NRG3: variants seen among roughly 807,000 people sequenced by gnomAD.
The protein encoded by NRG3 is neuregulin 3, also known as pro-neuregulin-3, membrane-bound isoform.
In NRG3, 31 loss-of-function variants were observed where a neutral mutation model predicts 66.9. That is an observed-to-expected ratio of 0.46 (90% CI 0.35 to 0.63). NRG3 has a LOEUF of 0.63. NRG3 is among the 20% of genes least tolerant of loss of function. The probability of loss-of-function intolerance (pLI) is 0.00; values close to 1 mark genes in which losing one functional copy is unlikely to be tolerated. For missense variants in NRG3, 910 were observed against 878.9 expected (o/e 1.04, Z -0.45); for synonymous variants, 393 against 359.4 (o/e 1.09, Z -1.06).
At chr10:82,231,082 C>T (rs1433699561) in intron 1 of NRG3, among the ~76,000 whole-genome samples, 1 of 152,090 alleles carries the variant, frequency 6.6e-6, no homozygotes, top group African/African-American at 2.4e-5. Flanking sequence ...GTGGCTCATG[C>T]CTGTAATCCC....
intron 3 of NRG3, among the ~76,000 whole-genome samples, chr10:82,792,758 G>A (rs1362149724): frequency 2.0e-5 from 3 of 151,890 alleles, no homozygotes. Context: ...TCAGCTCACC[G>A]CAACCTCCAC....
chr10:82,636,586 T>C (rs1462958159), intron 2 of NRG3, among the ~76,000 whole-genome samples: 4 of 152,210 alleles, frequency 2.6e-5, no homozygotes, highest in African/African-American at 4.8e-5. Flanking sequence ...TTGCAGCAAA[T>C]GGCAGGATTT....
At chr10:82,176,483 G>C (rs1007347888) in intron 1 of NRG3, among the ~76,000 whole-genome samples, 34 of 152,072 alleles carry the variant, frequency 2.2e-4, no homozygotes, top group Admixed American at 2.2e-3. Flanking sequence ...CATGCTTGCT[G>C]CTCCCTATAT....
chr10:81,986,935 G>A (rs1157013936), intron 1 of NRG3, among the ~76,000 whole-genome samples: 1 of 151,996 alleles, frequency 6.6e-6, no homozygotes, highest in Non-Finnish European at 1.5e-5. Flanking sequence ...TCCCACCTTG[G>A]CCTCCCAAAG....
intron 2 of NRG3, among the ~76,000 whole-genome samples, chr10:82,664,127 A>G (rs2052577781): frequency 6.6e-6 from 1 of 152,200 alleles, no homozygotes; most frequent in African/African-American, 2.4e-5. Context: ...CCATGCTTCT[A>G]AAAGGAATTT....
chr10:82,797,874 G>C (rs990448553), intron 3 of NRG3, among the ~76,000 whole-genome samples: 6 of 152,114 alleles, frequency 3.9e-5, no homozygotes, highest in Admixed American at 6.5e-5. Flanking sequence ...CAGGGCAACA[G>C]ATTCTCAACC....
chr10:82,218,407 A>C (rs1280529410), intron 1 of NRG3, among the ~76,000 whole-genome samples: 3 of 152,208 alleles, frequency 2.0e-5, no homozygotes, highest in Non-Finnish European at 4.4e-5. Context: ...AGACTCTGTA[A>C]TCTTATATAC....
chr10:82,458,804 A>G (rs755251225), intron 2 of NRG3, among the ~76,000 whole-genome samples: 1 of 152,236 alleles, frequency 6.6e-6, no homozygotes, highest in Non-Finnish European at 1.5e-5. Context: ...GAATACTCAC[A>G]TAAAGCATGC....
At chr10:82,116,215 G>T (rs2067704959) in intron 1 of NRG3, among the ~76,000 whole-genome samples, 1 of 151,914 alleles carries the variant, frequency 6.6e-6, no homozygotes, top group Non-Finnish European at 1.5e-5. Context: ...GCCTGATTTT[G>T]TCCCTTATAC....
At chr10:82,728,198 G>A (rs2134606869) in intron 2 of NRG3, among the ~76,000 whole-genome samples, 1 of 152,260 alleles carries the variant, frequency 6.6e-6, no homozygotes, top group Middle Eastern at 3.4e-3. Flanking sequence ...GGACTGTAGG[G>A]AACGCATGAT....
intron 2 of NRG3, among the ~76,000 whole-genome samples, chr10:82,552,315 T>C (rs1286484803): frequency 1.3e-5 from 2 of 152,202 alleles, no homozygotes; most frequent in African/African-American, 4.8e-5. Flanking sequence ...TTTCCTATCA[T>C]CTTTGAAAGG....
intron 1 of NRG3, among the ~76,000 whole-genome samples, chr10:81,891,582 A>G (rs564825936): frequency 6.6e-5 from 10 of 152,320 alleles, no homozygotes; most frequent in Non-Finnish European, 1.3e-4. Flanking sequence ...GTCTTGTCTT[A>G]GGGAAGTTTA....
intron 2 of NRG3, among the ~76,000 whole-genome samples, chr10:82,484,169 A>G (rs771266189): frequency 6.6e-6 from 1 of 152,204 alleles, no homozygotes; most frequent in Non-Finnish European, 1.5e-5. Flanking sequence ...TCTGGGATAC[A>G]TATGGATATT....
chr10:82,929,853 G>A (rs931150382), intron 4 of NRG3, among the ~76,000 whole-genome samples: 2 of 146,476 alleles, frequency 1.4e-5, no homozygotes, highest in Non-Finnish European at 3.0e-5. Flanking sequence ...TCCAGCCTGG[G>A]AGACAGACCG....
intron 3 of NRG3, among the ~76,000 whole-genome samples, chr10:82,855,795 T>C (rs2063774132): frequency 6.6e-6 from 1 of 152,154 alleles, no homozygotes; most frequent in Non-Finnish European, 1.5e-5. Context: ...ATTGATTAAA[T>C]TGATGTTGTT....
rs57109130 is a variant in NRG3 at position 82,682,398 on chromosome 10, C to CAGATAGAT, written c.954-56145_954-56138dup. 9.8e-3 allele frequency among the ~76,000 whole-genome samples: 1,473 copies of CAGATAGAT among 149,630 alleles called. 8 individuals carry two copies. Among genetic ancestry groups the CAGATAGAT allele is most frequent in the South Asian group, 0.012 (54 of 4,688 alleles). ...AGATGATAGGTAGATAGTAGATAGA[C>CAGATAGAT]AGATAGATAGATAGATAGATAGATA... On this transcript the variant is annotated intron_variant, in intron 2 of 8. Coordinates refer to ENST00000372141, the MANE Select transcript of NRG3 (RefSeq NM_001010848.4).
intron 1 of NRG3, among the ~76,000 whole-genome samples, chr10:81,967,465 C>G (rs1288661548): frequency 6.6e-6 from 1 of 151,308 alleles, no homozygotes; most frequent in East Asian, 1.9e-4. Flanking sequence ...AGGTAATGTT[C>G]TATATGTGTT....
chr10:82,329,792 T>TA (rs2082053473), intron 1 of NRG3, among the ~76,000 whole-genome samples: 1 of 152,176 alleles, frequency 6.6e-6, no homozygotes. Context: ...TGTCATCATG[T>TA]AAAATAGACT....
chr10:82,787,646 G>T (rs950791023), intron 3 of NRG3, among the ~76,000 whole-genome samples: 3 of 152,184 alleles, frequency 2.0e-5, no homozygotes, highest in African/African-American at 7.2e-5. Flanking sequence ...CCATGCTGAG[G>T]CTGCTTCTGC....
Sources: gnomAD v4.1 joint callset for allele counts (sites outside exome capture counted in the v4.1 genomes callset) on GRCh38, gnomAD v4.1.1 for gene constraint, MANE v1.5 for transcripts, NCBI Gene and HGNC (gene_info 2026-07-23, HGNC 2026-07-21) for gene names.